Variants in BRD3 observed in about 807,000 individuals in gnomAD.
The protein encoded by BRD3 is bromodomain-containing protein 3.
BRD3 carries 17 observed loss-of-function variants against 66.8 expected under a neutral mutation model. That is an observed-to-expected ratio of 0.25 (90% CI 0.17 to 0.38). The LOEUF (loss-of-function observed/expected upper bound fraction) is 0.38, where lower values mean the gene tolerates loss of function less well. Among genes scored for constraint, BRD3 ranks in the 10% least tolerant of loss-of-function variants. The pLI is 1.00. For synonymous variants in BRD3, 421 were observed against 393.2 expected (o/e 1.07, Z -0.84); for missense variants, 713 against 956.1 (o/e 0.75, Z 3.35).
intron 3 of BRD3, among the ~76,000 whole-genome samples, 171 bp from the exon 4 acceptor site, chr9:134,051,880 G>GTTTTTT: frequency 1.8e-5 from 2 of 113,632 alleles, no homozygotes; most frequent in African/African-American, 7.2e-5. Flanking sequence ...TGTGTGTGTT[G>GTTTTTT]TTTTTTTTGT....
intron 1 of BRD3, chr9:134,058,654 A>ACACAC (rs1302558597): frequency 1.3e-5 from 2 of 152,258 alleles, no homozygotes; most frequent in African/African-American, 4.8e-5. Flanking sequence ...TGTCTCTCCT[A>ACACAC]CACACACCCC....
At chr9:134,039,065 CCCCTCCT>C (rs1174116369) in intron 9 of BRD3, among the ~76,000 whole-genome samples, 1 of 152,068 alleles carries the variant, frequency 6.6e-6, no homozygotes, top group Non-Finnish European at 1.5e-5. Context: ...CCATGCTCCT[CCCCTCCT>C]CCCTCCAAGC....
chr9:134,066,362 T>A (rs538454794), intron 1 of BRD3, among the ~76,000 whole-genome samples: 1 of 152,274 alleles, frequency 6.6e-6, no homozygotes, highest in African/African-American at 2.4e-5. Flanking sequence ...GACCTTTATT[T>A]GCAAATGAGA....
intron 1 of BRD3, among the ~76,000 whole-genome samples, chr9:134,066,562 GA>G (rs35011268): frequency 0.37 from 54,998 of 148,672 alleles, 10,438 homozygotes; most frequent in East Asian, 0.57. Context: ...ATGGACCCAG[GA>G]AAAAAAAAAA....
Position 134,032,572 on chromosome 9 carries a change from G to A in BRD3, c.*1018C>T, listed in dbSNP as rs148656892. On this transcript the variant is annotated 3_prime_UTR_variant, in exon 12 of 12. Transcript: ENST00000303407. Reference sequence around the variant, plus strand: ...TAGCACCTGGAGACGACAGGCCGCCGCCAGACAGGACCCGCGCCCGGCACA... The same window carrying A: ...TAGCACCTGGAGACGACAGGCCGCCACCAGACAGGACCCGCGCCCGGCACA... 1.0e-4 allele frequency: 24 copies of A among 230,714 alleles called. No individual in the cohort carries two copies. The highest frequency in any genetic ancestry group is 4.0e-4 in the Admixed American group (7 of 17,706). 14.3% of individuals were successfully genotyped at this position (230,714 alleles called of 1,614,324 possible). A position where few individuals can be genotyped will look rare whatever the true frequency, so the allele number is the denominator to read the frequency against.
chr9:134,059,818 C>T (rs1393117841), intron 1 of BRD3, among the ~76,000 whole-genome samples: 2 of 152,214 alleles, frequency 1.3e-5, no homozygotes, highest in African/African-American at 4.8e-5. Flanking sequence ...GCGGGCAAGG[C>T]CCCCTCAGGA....
chr9:134,042,040 G>A (rs1830060594), intron 7 of BRD3, 89 bp from the exon 8 acceptor site: 1 of 1,369,808 alleles, frequency 7.3e-7, no homozygotes, highest in Non-Finnish European at 9.7e-7. Context: ...AGGTGCCCCT[G>A]AGGCAGCACC....
intron 1 of BRD3, among the ~76,000 whole-genome samples, chr9:134,059,296 C>G (rs1210058941): frequency 3.3e-5 from 5 of 152,248 alleles, no homozygotes; most frequent in South Asian, 2.1e-4. Context: ...CACTCTGCAT[C>G]CTGCGTCCTC....
At chr9:134,060,790 A>G (rs1830525004) in intron 1 of BRD3, among the ~76,000 whole-genome samples, 1 of 152,024 alleles carries the variant, frequency 6.6e-6, no homozygotes, top group Non-Finnish European at 1.5e-5. Context: ...AATCCTACCT[A>G]TCCTCACCCT....
Position 134,033,435 on chromosome 9 carries a change from G to A in BRD3, c.*155C>T, listed in dbSNP as rs1002625691. On this transcript the variant is annotated 3_prime_UTR_variant, in exon 12 of 12. Transcript: ENST00000303407. The surrounding 1 kb of genome is among the most constrained non-coding windows in gnomAD (Gnocchi z 5.1). ...TAACGCACACACAAGATAGATCTCT[G>A]ACCTATGAAAGCAAAAACTGGAAGA... The A allele has an allele frequency of 1.7e-6, 1 of 580,356 alleles. No homozygotes were observed. The highest frequency in any genetic ancestry group is 1.9e-5 in the African/African-American group (1 of 53,390). 36.0% of individuals were successfully genotyped at this position (580,356 alleles called of 1,614,324 possible).
intron 5 of BRD3, 72 bp downstream of exon 5, chr9:134,050,302 C>T: frequency 6.8e-7 from 1 of 1,476,134 alleles, no homozygotes; most frequent in South Asian, 1.2e-5. Context: ...CCCCCGCCTG[C>T]TGCTCCTGCC....
chr9:134,052,763 A>T (rs1178513929), intron 2 of BRD3, among the ~76,000 whole-genome samples: 1 of 152,230 alleles, frequency 6.6e-6, no homozygotes, highest in African/African-American at 2.4e-5. Context: ...AGGGCCCAGC[A>T]GAGCCCAGAG....
intron 7 of BRD3, among the ~76,000 whole-genome samples, chr9:134,042,324 G>A (rs1477585017): frequency 6.6e-6 from 1 of 152,184 alleles, no homozygotes; most frequent in Non-Finnish European, 1.5e-5. Flanking sequence ...AGCTTGGACA[G>A]GGTCCTCCAC....
Position 134,030,623 on chromosome 9 carries a change from G to A in BRD3, c.*2967C>T, listed in dbSNP as rs1158488075. 8.8e-6 allele frequency: 2 copies of A among 227,460 alleles called. No individual in the cohort carries two copies. The highest frequency in any genetic ancestry group is 1.7e-5 in the Non-Finnish European group (2 of 114,558). The allele number at this position is 227,460 out of a possible 1,614,324, so 14.1% of individuals were successfully genotyped here. A position where few individuals can be genotyped will look rare whatever the true frequency, so the allele number is the denominator to read the frequency against. ...CCTGGAAGCATTATGCCAGTATTAA[G>A]GAACAGTGCTACTCTGGATGTGACA... On this transcript the variant is annotated 3_prime_UTR_variant, in exon 12 of 12. Transcript: ENST00000303407.
chr9:134,061,866 G>C (rs1312100371), intron 1 of BRD3, among the ~76,000 whole-genome samples: 1 of 152,196 alleles, frequency 6.6e-6, no homozygotes, highest in African/African-American at 2.4e-5. Flanking sequence ...ATCGGCTGTG[G>C]CAGGAGGGAG....
intron 1 of BRD3, among the ~76,000 whole-genome samples, chr9:134,055,196 G>A (rs1431980585): frequency 6.6e-6 from 1 of 152,210 alleles, no homozygotes; most frequent in Admixed American, 6.5e-5. Context: ...AGGGCTCCCT[G>A]CTCTGCCCCG....
At position 134,033,001 on chromosome 9, in the gene BRD3, C is replaced by G. The variant is rs1427458208; in HGVS notation, c.*589G>C. On this transcript the variant is annotated 3_prime_UTR_variant, in exon 12 of 12. Transcript: ENST00000303407. This position sits in a 1 kb window ranked among gnomAD's most constrained non-coding sequence, Gnocchi z 5.1. ...GGAGAACGCACATCCCACCCGACCACCCCCCAAGGGCTCCACGCTCCGGGC... is the reference window on the plus strand; with the variant it reads ...GGAGAACGCACATCCCACCCGACCAGCCCCCAAGGGCTCCACGCTCCGGGC... The G allele has an allele frequency of 2.5e-6, 1 of 395,464 alleles. No homozygotes were observed. Among genetic ancestry groups the G allele is most frequent in the Non-Finnish European group, 4.5e-6 (1 of 224,140 alleles). 24.5% of individuals were successfully genotyped at this position (395,464 alleles called of 1,614,324 possible).
At chr9:134,040,733 C>G (rs1206136783) in intron 8 of BRD3, among the ~76,000 whole-genome samples, 2 of 152,208 alleles carry the variant, frequency 1.3e-5, no homozygotes, top group Non-Finnish European at 2.9e-5. Flanking sequence ...AGGAAGGACT[C>G]TCTAGAAGTT....
intron 1 of BRD3, chr9:134,058,196 T>TC (rs1469092437): frequency 6.6e-6 from 1 of 152,206 alleles, no homozygotes; most frequent in African/African-American, 2.4e-5. Context: ...ACAGCTTCAC[T>TC]CATGCAAGGA....
Sources: gnomAD v4.1 joint callset for allele counts (sites outside exome capture counted in the v4.1 genomes callset) on GRCh38, gnomAD v4.1.1 for gene constraint, Gnocchi (gnomAD v3.1) non-coding constraint, MANE v1.5 for transcripts, NCBI Gene and HGNC (gene_info 2026-07-23, HGNC 2026-07-21) for gene names.